Variants in POM121C observed in about 807,000 individuals in gnomAD.
POM121C encodes the protein POM121 transmembrane nucleoporin C, also known as nuclear envelope pore membrane protein POM 121C.
POM121C carries 20 observed loss-of-function variants against 66.4 expected under a neutral mutation model. That is an observed-to-expected ratio of 0.30 (90% confidence interval 0.21 to 0.44). The LOEUF is 0.44. POM121C is among the 20% of genes least tolerant of loss of function. POM121C has a pLI of 1.00. For synonymous variants in POM121C, 286 were observed against 528.0 expected, an observed-to-expected ratio of 0.54 and a Z score of 6.28; for missense variants, 580 against 1,225.7, an observed-to-expected ratio of 0.47 and a Z score of 7.87.
chr7:75,419,392 T>G lies in POM121C; in HGVS notation c.2794A>C (p.Thr932Pro). The change falls in exon 14 of 15, where the codon ACA (threonine) becomes CCA (proline). Residue 932 changes from threonine (T) to proline (P), a missense_variant. By Grantham distance (38) the Thr-to-Pro change is conservative. Coordinates refer to ENST00000615331, the MANE Select transcript of POM121C (RefSeq NM_001099415.3). ...GQNTPAPGVG[T>P]SGSSLSFGAS... ...CCAAAGGAGAGGCTGCTGCCCGATGTGCCCACTCCAGGCGCAGGGGTGTTC... is the reference window on the plus strand; with the variant it reads ...CCAAAGGAGAGGCTGCTGCCCGATGGGCCCACTCCAGGCGCAGGGGTGTTC... 1 of 1,613,770 alleles carries G rather than the reference T, an allele frequency of 6.2e-7. No individual in the cohort carries two copies. Among genetic ancestry groups the G allele is most frequent in the South Asian group, 1.1e-5 (1 of 91,054 alleles).
intron 3 of POM121C, among the ~76,000 whole-genome samples, chr7:75,473,166 A>G (rs1216263005): frequency 1.3e-5 from 2 of 152,196 alleles, no homozygotes; most frequent in African/African-American, 4.8e-5. Flanking sequence ...GAAGTGAACT[A>G]TCTCACTGGT....
In POM121C at chr7:75,421,957, A is replaced by G. The variant is rs1554470749; in HGVS notation, c.2295T>C (p.Pro765=). Residue 765 remains proline (P), a synonymous_variant, in exon 13 of 15, where the codon CCT becomes CCC. Transcript: ENST00000615331. The part of the protein sequence containing the change: ...VPAHVPTPIQ[P]TFGGATHSAF... Reference sequence around the variant, plus strand: ...CCGAGTGCGTGGCACCGCCAAAGGTAGGCTGGATGGGCGTAGGCACGTGCG... The same window carrying G: ...CCGAGTGCGTGGCACCGCCAAAGGTGGGCTGGATGGGCGTAGGCACGTGCG... The G allele has an allele frequency of 6.2e-7, 1 of 1,613,718 alleles. No homozygotes were observed. The highest frequency in any genetic ancestry group is 8.5e-7 in the Non-Finnish European group (1 of 1,179,888).
chr7:75,483,872 G>A (rs1297656258), intron 1 of POM121C, among the ~76,000 whole-genome samples: 2 of 151,944 alleles, frequency 1.3e-5, no homozygotes, highest in Non-Finnish European at 2.9e-5. Flanking sequence ...AGGCTGAGGC[G>A]GGAGGATCAC....
At chr7:75,473,850 G>A (rs1554478982) in intron 3 of POM121C, among the ~76,000 whole-genome samples, 1 of 152,020 alleles carries the variant, frequency 6.6e-6, no homozygotes, top group East Asian at 2.0e-4. Flanking sequence ...CACTACGTCC[G>A]GCTAATTTTT....
chr7:75,476,579 A>G (rs1328869910), intron 1 of POM121C, among the ~76,000 whole-genome samples: 1 of 152,194 alleles, frequency 6.6e-6, no homozygotes, highest in Non-Finnish European at 1.5e-5. Flanking sequence ...AGAACATCCA[A>G]GCTTATCCAC....
rs1790653287 is a variant in POM121C at position 75,441,650 on chromosome 7, G to T, written c.-151-3C>A. 1.3e-6 allele frequency: 2 copies of T among 1,544,862 alleles called. No individual in the cohort carries two copies. Among genetic ancestry groups the T allele is most frequent in the Non-Finnish European group, 1.8e-6 (2 of 1,141,218 alleles). On this transcript the variant is annotated splice_region_variant and splice_polypyrimidine_tract_variant and intron_variant, in intron 3 of 14. Coordinates refer to ENST00000615331, the MANE Select transcript of POM121C (RefSeq NM_001099415.3). ...GATCTGGTAAAGTCCCACGATCCCT[G>T]CAGAGAATGCGAGACAAATCATGGA...
At chr7:75,460,824 G>A (rs1384934535) in intron 3 of POM121C, among the ~76,000 whole-genome samples, 1 of 152,126 alleles carries the variant, frequency 6.6e-6, no homozygotes, top group Non-Finnish European at 1.5e-5. Context: ...CTGCACCTTG[G>A]TGGGTCCAAT....
chr7:75,468,763 T>C (rs1791767676), intron 3 of POM121C, among the ~76,000 whole-genome samples: 1 of 152,130 alleles, frequency 6.6e-6, no homozygotes, highest in South Asian at 2.1e-4. Flanking sequence ...GGGTCATGCC[T>C]ATAATCCCAA....
intron 3 of POM121C, among the ~76,000 whole-genome samples, chr7:75,468,365 T>C (rs1200857650): frequency 7.1e-6 from 1 of 140,594 alleles, no homozygotes; most frequent in Non-Finnish European, 1.5e-5. Flanking sequence ...TCGCCCAGGC[T>C]GGAGTGCAGT....
At chr7:75,432,728 T>C (rs1554472528) in intron 7 of POM121C, among the ~76,000 whole-genome samples, 1 of 152,200 alleles carries the variant, frequency 6.6e-6, no homozygotes, top group East Asian at 1.9e-4. Context: ...GAAAAGAAGA[T>C]GCTTTTTAAA....
At position 75,473,979 on chromosome 7, in the gene POM121C, C is replaced by T. The variant is rs183382622; in HGVS notation, c.-152+725G>A. Among the ~76,000 whole-genome samples, 589 of 152,210 alleles carry T rather than the reference C, an allele frequency of 3.9e-3. 4 individuals carry two copies. The highest frequency in any genetic ancestry group is 0.013 in the African/African-American group (560 of 41,538). On this transcript the variant is annotated intron_variant, in intron 3 of 14. Transcript: ENST00000615331. ...CTGGGATTACAGGCGTTAGCCACCG[C>T]GCCCGGCCAAGTCCAAGGTATTTTT... is the stretch of plus-strand genomic sequence containing the variant.
At chr7:75,433,204 T>C (rs1217430553) in intron 7 of POM121C, among the ~76,000 whole-genome samples, 27 of 111,326 alleles carry the variant, frequency 2.4e-4, no homozygotes, top group African/African-American at 8.7e-4. Context: ...CGCTGCACTC[T>C]AGCCCCAGCG....
intron 1 of POM121C, among the ~76,000 whole-genome samples, chr7:75,483,421 T>C (rs1456302819): frequency 1.3e-5 from 2 of 152,134 alleles, no homozygotes; most frequent in Non-Finnish European, 2.9e-5. Flanking sequence ...TCAATTGTAA[T>C]CCCCAATGTT....
intron 1 of POM121C, among the ~76,000 whole-genome samples, chr7:75,482,885 G>T (rs1554480332): frequency 6.6e-6 from 1 of 152,192 alleles, no homozygotes; most frequent in East Asian, 1.9e-4. Context: ...GGATTTGACT[G>T]CAATTAAATC....
chr7:75,421,352 G>A lies in POM121C; in HGVS notation c.2743+157C>T, dbSNP rs1275337432. 12 of 1,476,094 alleles carry A rather than the reference G, an allele frequency of 8.1e-6. No homozygotes were observed. In the South Asian group the frequency reaches 1.1e-4, roughly 14 times the overall value. The allele number at this position is 1,476,094 out of a possible 1,614,324, so 91.4% of individuals were successfully genotyped here. ...CAATGGCTCCTCCAGTCATTACTAC[G>A]TTAGCAAAACATGTATCATGCCCTG... On this transcript the variant is annotated intron_variant, in intron 13 of 14. Coordinates refer to ENST00000615331, the MANE Select transcript of POM121C (RefSeq NM_001099415.3).
At chr7:75,469,302 T>C (rs1243409503) in intron 3 of POM121C, among the ~76,000 whole-genome samples, 2 of 152,106 alleles carry the variant, frequency 1.3e-5, no homozygotes, top group African/African-American at 4.8e-5. Context: ...CTTGCTATGT[T>C]TCCCAGGCTA....
At chr7:75,430,993 G>A (rs1213694191) in intron 7 of POM121C, among the ~76,000 whole-genome samples, 3 of 147,460 alleles carry the variant, frequency 2.0e-5, no homozygotes, top group South Asian at 2.2e-4. Flanking sequence ...GGAGAATGGC[G>A]TGAACCCGGG....
intron 3 of POM121C, among the ~76,000 whole-genome samples, chr7:75,468,832 G>A (rs1490450159): frequency 6.6e-6 from 1 of 151,962 alleles, no homozygotes; most frequent in Non-Finnish European, 1.5e-5. Context: ...GACCAGCCTG[G>A]GCAACTTAGT....
chr7:75,433,532 A>T (rs1384938338), intron 7 of POM121C, among the ~76,000 whole-genome samples: 8 of 151,898 alleles, frequency 5.3e-5, no homozygotes, highest in African/African-American at 1.9e-4. Context: ...ATTTTTAAAA[A>T]ATATTCCTAA....
Sources: allele counts gnomAD v4.1 joint callset (sites outside exome capture counted in the v4.1 genomes callset), GRCh38; gene constraint gnomAD v4.1.1; transcripts MANE v1.5; gene names NCBI Gene and HGNC (gene_info 2026-07-23, HGNC 2026-07-21).